ARHGAP15: variants seen among roughly 807,000 people sequenced by gnomAD.
The protein encoded by ARHGAP15 is Rho GTPase activating protein 15.
A neutral mutation model predicts 63.7 loss-of-function variants in ARHGAP15; 51 were observed. That is an observed-to-expected ratio of 0.80 (90% CI 0.64 to 1.01). ARHGAP15 has a LOEUF of 1.01. ARHGAP15 is among the 50% of genes least tolerant of loss of function. The pLI, the probability that ARHGAP15 is intolerant of heterozygous loss-of-function variation, is 0.00. For missense variants in ARHGAP15, 560 were observed against 564.6 expected (o/e 0.99, Z 0.08); for synonymous variants, 191 against 193.8 (o/e 0.99, Z 0.12).
chr2:143,342,864 A>G (rs764734837), intron 6 of ARHGAP15, among the ~76,000 whole-genome samples: 1 of 151,784 alleles, frequency 6.6e-6, no homozygotes, highest in Non-Finnish European at 1.5e-5. Context: ...AATATTAATC[A>G]CCTCTTCCAA....
At chr2:143,225,045 T>A (rs1693149621) in intron 4 of ARHGAP15, among the ~76,000 whole-genome samples, 2 of 152,192 alleles carry the variant, frequency 1.3e-5, no homozygotes, top group African/African-American at 4.8e-5. Flanking sequence ...CATAATGTAG[T>A]TAGGGCTGGC....
chr2:143,755,246 G>A (rs914472456), intron 13 of ARHGAP15, among the ~76,000 whole-genome samples: 3 of 147,332 alleles, frequency 2.0e-5, no homozygotes, highest in Admixed American at 6.8e-5. Flanking sequence ...ATCTTTAATA[G>A]GTGCTCCCAA....
chr2:143,604,585 G>C (rs746747566), intron 11 of ARHGAP15, among the ~76,000 whole-genome samples: 2 of 152,188 alleles, frequency 1.3e-5, no homozygotes, highest in African/African-American at 2.4e-5. Context: ...TCTAGGTAGT[G>C]ACTGAGAGGT....
chr2:143,568,706 A>G (rs1294974488), intron 11 of ARHGAP15, among the ~76,000 whole-genome samples: 3 of 152,246 alleles, frequency 2.0e-5, no homozygotes, highest in Non-Finnish European at 4.4e-5. Flanking sequence ...ATAAAGACAC[A>G]TGCACACATA....
At chr2:143,610,771 C>T (rs1257231609) in intron 11 of ARHGAP15, among the ~76,000 whole-genome samples, 1 of 152,118 alleles carries the variant, frequency 6.6e-6, no homozygotes, top group Non-Finnish European at 1.5e-5. Context: ...CTCTGTCACC[C>T]AGGGTACAGT....
chr2:143,319,323 C>A (rs1256523071), intron 6 of ARHGAP15, among the ~76,000 whole-genome samples: 2 of 151,558 alleles, frequency 1.3e-5, no homozygotes, highest in Admixed American at 6.6e-5. Flanking sequence ...CTCGCAGGTT[C>A]ATGCAATTCT....
intron 11 of ARHGAP15, among the ~76,000 whole-genome samples, chr2:143,604,677 A>G (rs1697912961): frequency 6.6e-6 from 1 of 152,158 alleles, no homozygotes; most frequent in Non-Finnish European, 1.5e-5. Flanking sequence ...CATGTATGTT[A>G]TATATTCCAC....
intron 1 of ARHGAP15, among the ~76,000 whole-genome samples, chr2:143,143,539 G>A (rs546696393): frequency 6.7e-6 from 1 of 148,566 alleles, no homozygotes. Context: ...ACTTCCTTTG[G>A]TCTTTATCAA....
chr2:143,566,727 C>T (rs1181349530), intron 11 of ARHGAP15, among the ~76,000 whole-genome samples: 1 of 152,078 alleles, frequency 6.6e-6, no homozygotes, highest in Non-Finnish European at 1.5e-5. Flanking sequence ...CAGCAGATCC[C>T]CACAAGATGC....
chr2:143,670,949 T>C (rs1008867545), intron 12 of ARHGAP15, among the ~76,000 whole-genome samples: 6 of 152,198 alleles, frequency 3.9e-5, no homozygotes, highest in African/African-American at 1.4e-4. Flanking sequence ...CAGAAATTAC[T>C]GAAAAAGTAC....
At chr2:143,516,183 A>G (rs1209927574) in intron 9 of ARHGAP15, among the ~76,000 whole-genome samples, 1 of 152,224 alleles carries the variant, frequency 6.6e-6, no homozygotes, top group Non-Finnish European at 1.5e-5. Context: ...AAAGATTTAG[A>G]AAATAGGGAA....
chr2:143,343,141 G>T (rs1051313333), intron 6 of ARHGAP15, among the ~76,000 whole-genome samples: 2 of 152,032 alleles, frequency 1.3e-5, no homozygotes, highest in African/African-American at 4.8e-5. Flanking sequence ...ATGATGATGT[G>T]ATAGCACGAA....
chr2:143,646,801 T>C (rs1680901699), intron 12 of ARHGAP15, among the ~76,000 whole-genome samples: 1 of 152,076 alleles, frequency 6.6e-6, no homozygotes, highest in Non-Finnish European at 1.5e-5. Flanking sequence ...ATGCAGTAGA[T>C]GCTCTGACCA....
intron 6 of ARHGAP15, among the ~76,000 whole-genome samples, chr2:143,258,279 T>G (rs1029259294): frequency 6.6e-6 from 1 of 152,046 alleles, no homozygotes; most frequent in African/African-American, 2.4e-5. Context: ...ATTCAGTGTT[T>G]ATATGCCACA....
intron 13 of ARHGAP15, among the ~76,000 whole-genome samples, chr2:143,724,490 C>T (rs1685196648): frequency 6.6e-6 from 1 of 152,186 alleles, no homozygotes; most frequent in African/African-American, 2.4e-5. Context: ...ATTAATCCTT[C>T]CTCATATGTG....
At chr2:143,246,138 G>C (rs544868790) in intron 5 of ARHGAP15, among the ~76,000 whole-genome samples, 1 of 151,984 alleles carries the variant, frequency 6.6e-6, no homozygotes, top group Non-Finnish European at 1.5e-5. Context: ...AAGTAAATTC[G>C]TATCAGCTCA....
At chr2:143,204,938 T>TAA (rs201290373) in intron 3 of ARHGAP15, among the ~76,000 whole-genome samples, 1 of 148,334 alleles carries the variant, frequency 6.7e-6, no homozygotes, top group African/African-American at 2.5e-5. Context: ...TAATCTCTCT[T>TAA]AAAAAAAAAA....
chr2:143,471,226 G>A (rs747423825), intron 8 of ARHGAP15, among the ~76,000 whole-genome samples: 8 of 146,920 alleles, frequency 5.4e-5, no homozygotes, highest in Admixed American at 3.4e-4. Flanking sequence ...ACACACACAT[G>A]TGTATGTGTA....
At chr2:143,318,146 G>A (rs1028215992) in intron 6 of ARHGAP15, among the ~76,000 whole-genome samples, 5 of 151,644 alleles carry the variant, frequency 3.3e-5, no homozygotes, top group Admixed American at 2.0e-4. Context: ...CTACAGGCAC[G>A]TGGCACCACA....
Sources: gnomAD v4.1 joint callset for allele counts (sites outside exome capture counted in the v4.1 genomes callset) on GRCh38, gnomAD v4.1.1 for gene constraint, MANE v1.5 for transcripts, NCBI Gene and HGNC (gene_info 2026-07-23, HGNC 2026-07-21) for gene names.